FAM120B: variants seen among roughly 807,000 people sequenced by gnomAD.
FAM120B encodes family with sequence similarity 120 member B.
FAM120B carries 83 observed loss-of-function variants against 96.3 expected under a neutral mutation model. The observed-to-expected ratio is 0.86, with a 90% CI of 0.72 to 1.03. FAM120B has a LOEUF of 1.03. Ranked by LOEUF, FAM120B falls within the 50% of genes least tolerant of loss-of-function variation. The pLI is 0.00. For missense variants in FAM120B, 1,027 were observed against 1,121.2 expected (o/e 0.92, Z 1.20); for synonymous variants, 407 against 402.7 (o/e 1.01, Z -0.13).
chr6:170,398,367 A>C (rs1219873062), intron 9 of FAM120B, among the ~76,000 whole-genome samples: 1 of 152,254 alleles, frequency 6.6e-6, no homozygotes, highest in East Asian at 1.9e-4. Flanking sequence ...GAAAGGTAGA[A>C]CTATGTCATA....
intron 4 of FAM120B, among the ~76,000 whole-genome samples, chr6:170,331,086 GT>G (rs1786001766): frequency 6.6e-6 from 1 of 152,188 alleles, no homozygotes; most frequent in South Asian, 2.1e-4. Flanking sequence ...TTAATGAGAG[GT>G]AAGGAAAAAC....
At position 170,295,538 on chromosome 6, in the gene FAM120B, G is replaced by A. The variant is rs1783978125; in HGVS notation, c.48+85G>A. The A allele has an allele frequency of 1.6e-6, 1 of 625,300 alleles. No homozygotes were observed. The highest frequency in any genetic ancestry group is 2.8e-6 in the Non-Finnish European group (1 of 353,926). The allele number at this position is 625,300 out of a possible 1,614,324, so 38.7% of individuals were successfully genotyped here. ...CGGGCAGGAGCGCGACCCCCGGCGC[G>A]GGCAGCTCTGCGCGAAGGTGGGCGA... On this transcript the variant is annotated intron_variant, in intron 1 of 10. Coordinates refer to the FAM120B transcript ENST00000537664. The surrounding 1 kb of genome is among the most constrained non-coding windows in gnomAD (Gnocchi z 7.8).
chr6:170,331,898 G>A (rs1337479283), intron 4 of FAM120B, among the ~76,000 whole-genome samples: 1 of 152,224 alleles, frequency 6.6e-6, no homozygotes, highest in Non-Finnish European at 1.5e-5. Context: ...AGGAGCTCCG[G>A]AAGCCTGTGC....
chr6:170,368,359 A>G (rs1313945852), intron 6 of FAM120B, among the ~76,000 whole-genome samples: 1 of 151,970 alleles, frequency 6.6e-6, no homozygotes, highest in Non-Finnish European at 1.5e-5. Context: ...TCAAAAGCAG[A>G]TTTAGAAACC....
At chr6:170,360,966 C>T (rs1215857777) in intron 6 of FAM120B, among the ~76,000 whole-genome samples, 1 of 151,876 alleles carries the variant, frequency 6.6e-6, no homozygotes, top group Non-Finnish European at 1.5e-5. Context: ...GTTCTGACTG[C>T]TTCACGTTGC....
At chr6:170,367,545 G>C (rs1788879116) in intron 6 of FAM120B, among the ~76,000 whole-genome samples, 1 of 152,264 alleles carries the variant, frequency 6.6e-6, no homozygotes, top group South Asian at 2.1e-4. Context: ...TTCCAGAAGA[G>C]CGTGCTGACC....
At chr6:170,375,382 C>T (rs759854608) in intron 6 of FAM120B, among the ~76,000 whole-genome samples, 1 of 152,286 alleles carries the variant, frequency 6.6e-6, no homozygotes, top group South Asian at 2.1e-4. Context: ...TAACAACAAG[C>T]GTCTCAGGTC....
chr6:170,295,253 C>A, upstream of FAM120B: 1 of 605,770 alleles, frequency 1.7e-6, no homozygotes, highest in South Asian at 1.9e-5. This position sits in a 1 kb window ranked among gnomAD's most constrained non-coding sequence, Gnocchi z 7.8. Flanking sequence ...CCCCCCAACA[C>A]ACACACTCAC....
chr6:170,363,832 T>A lies in FAM120B; in HGVS notation c.2283+5514T>A, dbSNP rs1468112049. Among the ~76,000 whole-genome samples the A allele has an allele frequency of 6.6e-6, 1 of 152,116 alleles. No individual in the cohort carries two copies. The highest frequency in any genetic ancestry group is 1.5e-5 in the Non-Finnish European group (1 of 68,012). On this transcript the variant is annotated intron_variant, in intron 6 of 10. Coordinates refer to ENST00000476287, the MANE Select transcript of FAM120B (RefSeq NM_032448.3). This position sits in a 1 kb window ranked among gnomAD's most constrained non-coding sequence, Gnocchi z 4.5. ...CAGGCTAGAGTGCAGTGGCGCGAAC[T>A]CAGCTCACTGCAACCTCAGCCTCCC...
chr6:170,329,008 C>T (rs1020576329), intron 3 of FAM120B, among the ~76,000 whole-genome samples: 7 of 152,144 alleles, frequency 4.6e-5, no homozygotes, highest in South Asian at 2.1e-4. Flanking sequence ...AGGTGTAGGA[C>T]GAGGTCTCTT....
At chr6:170,352,408 C>T (rs1415576914) in intron 5 of FAM120B, among the ~76,000 whole-genome samples, 1 of 152,218 alleles carries the variant, frequency 6.6e-6, no homozygotes, top group African/African-American at 2.4e-5. Context: ...GACCTGAACT[C>T]AGCTCTGGAT....
At chr6:170,390,436 A>G (rs1426348958) in intron 7 of FAM120B, among the ~76,000 whole-genome samples, 1 of 151,894 alleles carries the variant, frequency 6.6e-6, no homozygotes. Flanking sequence ...TCTTTATCCA[A>G]TCTCTTGACC....
rs1160437156 is a variant in FAM120B, at chr6:170,390,717, G to A, written c.2491-296G>A. On this transcript the variant is annotated intron_variant, in intron 7 of 10. Transcript: ENST00000476287. ...TTGTGTGGTAATCACCTAAATTGTCGTAATAGGACTTGAAGATTCTTTTTT... is the reference window on the plus strand; with the variant it reads ...TTGTGTGGTAATCACCTAAATTGTCATAATAGGACTTGAAGATTCTTTTTT... Among the ~76,000 whole-genome samples the A allele has an allele frequency of 4.6e-5, 7 of 152,138 alleles. 1 individual carries two copies. Among genetic ancestry groups the A allele is most frequent in the Non-Finnish European group, 7.4e-5 (5 of 68,026 alleles).
intron 8 of FAM120B, among the ~76,000 whole-genome samples, chr6:170,395,131 A>C (rs9295405): frequency 0.23 from 34,309 of 152,104 alleles, 4,260 homozygotes; most frequent in African/African-American, 0.33. Flanking sequence ...CCATGCCTCA[A>C]CCAGGGCCCT....
chr6:170,403,913 G>A (rs1266030877), intron 9 of FAM120B, among the ~76,000 whole-genome samples: 1 of 152,186 alleles, frequency 6.6e-6, no homozygotes, highest in Admixed American at 6.5e-5. Context: ...GGGGAGGGGA[G>A]AGACCCAGGC....
intron 9 of FAM120B, among the ~76,000 whole-genome samples, chr6:170,403,432 TG>T (rs34152323): frequency 0.13 from 20,126 of 152,196 alleles, 1,597 homozygotes; most frequent in African/African-American, 0.22. Flanking sequence ...CCAGGGCAAT[TG>T]ATAGGTAAAA....
At chr6:170,399,683 T>G (rs1778436121) in intron 9 of FAM120B, among the ~76,000 whole-genome samples, 1 of 140,902 alleles carries the variant, frequency 7.1e-6, no homozygotes, top group Non-Finnish European at 1.5e-5. Context: ...GTGGGGAAGG[T>G]AGAACTATGT....
rs145654707 is a variant in FAM120B, at chr6:170,401,913, G to A, written c.2693-2637G>A. ...TAGTAAACAACCCAGGGCTGCCTCCGCAGCCTGCATCTGTGTGGCTTTGGA... is the reference window on the plus strand; with the variant it reads ...TAGTAAACAACCCAGGGCTGCCTCCACAGCCTGCATCTGTGTGGCTTTGGA... On this transcript the variant is annotated intron_variant, in intron 9 of 10. Coordinates refer to ENST00000476287, the MANE Select transcript of FAM120B (RefSeq NM_032448.3). 1.0e-3 allele frequency among the ~76,000 whole-genome samples: 156 copies of A among 151,646 alleles called. 1 individual carries two copies. In the Middle Eastern group the frequency reaches 0.014, roughly 13 times the overall value.
intron 2 of FAM120B, among the ~76,000 whole-genome samples, chr6:170,320,000 G>A (rs887815376): frequency 6.6e-6 from 1 of 152,208 alleles, no homozygotes; most frequent in Non-Finnish European, 1.5e-5. Flanking sequence ...TTCTGTGCTA[G>A]GTGCATTAGG....
Sources: allele counts gnomAD v4.1 joint callset (sites outside exome capture counted in the v4.1 genomes callset), GRCh38; gene constraint gnomAD v4.1.1; non-coding constraint Gnocchi (gnomAD v3.1); transcripts MANE v1.5; gene names NCBI Gene and HGNC (gene_info 2026-07-23, HGNC 2026-07-21).